PUS10: variants seen among roughly 807,000 people sequenced by gnomAD.
The protein encoded by PUS10 is pseudouridine synthase 10.
In PUS10, 59 loss-of-function variants were observed where a neutral mutation model predicts 75.0. The ratio of observed to expected loss-of-function variants is 0.79; its 90% confidence interval spans 0.64 to 0.98. PUS10 has a LOEUF of 0.98. PUS10 is among the 50% of genes least tolerant of loss of function. The pLI is 0.00. For synonymous variants in PUS10, 219 were observed against 211.6 expected (o/e 1.03, Z -0.30); for missense variants, 650 against 614.4 (o/e 1.06, Z -0.61).
intron 4 of PUS10, among the ~76,000 whole-genome samples, chr2:60,973,524 C>T (rs1304009429): frequency 6.6e-6 from 1 of 152,266 alleles, no homozygotes; most frequent in African/African-American, 2.4e-5. Flanking sequence ...GACACGCCAG[C>T]CCCATGCTGC....
rs75111820 is a variant in PUS10 at position 60,962,031 on chromosome 2, G to C, written c.789-483C>G. On this transcript the variant is annotated intron_variant, in intron 9 of 17. Transcript: ENST00000316752. Reference sequence around the variant, plus strand: ...TTATTTAATAAAATGAATGTACCAAGAATTAAAATGTAAGGTTTATTGCAT... The same window carrying C: ...TTATTTAATAAAATGAATGTACCAACAATTAAAATGTAAGGTTTATTGCAT... Among the ~76,000 whole-genome samples, 1,659 of 152,284 alleles carry C rather than the reference G, an allele frequency of 0.011. 168 individuals carry two copies. In the East Asian group the frequency reaches 0.23, roughly 21 times the overall value.
rs777576528 is a variant in PUS10, at chr2:60,965,401, C to A, written c.677+22G>T. The stretch of plus-strand genomic sequence containing the variant: ...AGCATTAACAATTTTACACCATTGA[C>A]GTTGTTTACATGGCAACTTACAGGA... On this transcript the variant is annotated intron_variant, in intron 7 of 17. Transcript: ENST00000316752. 5.7e-6 allele frequency: 9 copies of A among 1,586,590 alleles called. No individual in the cohort carries two copies. In the Admixed American group the frequency reaches 1.5e-4, roughly 27 times the overall value.
At chr2:60,942,519 T>C (rs1331424774) in intron 17 of PUS10, 86 bp from the exon 18 acceptor site, 3 of 1,038,716 alleles carry the variant, frequency 2.9e-6, no homozygotes, top group East Asian at 2.4e-5. Context: ...TTAATAGTTT[T>C]AATATAGTGC....
chr2:61,014,824 TTC>T (rs1679862647), intron 1 of PUS10, among the ~76,000 whole-genome samples: 1 of 152,216 alleles, frequency 6.6e-6, no homozygotes, highest in Admixed American at 6.5e-5. Context: ...GACGTGATTC[TTC>T]TAGTCTGCGT....
rs1317370167 is a variant in PUS10 at position 60,940,644 on chromosome 2, G to C, written c.*1751C>G. ...AATAGAAATCTTCTCATTTCAGTTTGCTAAGCACATTCTTCATTCTTACAT... is the reference window on the plus strand; with the variant it reads ...AATAGAAATCTTCTCATTTCAGTTTCCTAAGCACATTCTTCATTCTTACAT... On this transcript the variant is annotated 3_prime_UTR_variant, in exon 18 of 18. Transcript: ENST00000316752. The C allele has an allele frequency of 6.6e-6, 1 of 152,234 alleles. No individual in the cohort carries two copies. The highest frequency in any genetic ancestry group is 1.5e-5 in the Non-Finnish European group (1 of 68,006). 9.4% of individuals were successfully genotyped at this position (152,234 alleles called of 1,614,324 possible). A position where few individuals can be genotyped will look rare whatever the true frequency, so the allele number is the denominator to read the frequency against.
chr2:60,996,241 T>C (rs1225109007), intron 4 of PUS10, among the ~76,000 whole-genome samples: 1 of 152,240 alleles, frequency 6.6e-6, no homozygotes, highest in African/African-American at 2.4e-5. Flanking sequence ...ATCTCTTCAA[T>C]ATCTGCTTTG....
At chr2:60,967,705 T>C (rs1676428002) in intron 5 of PUS10, 92 bp from the exon 6 acceptor site, 13 of 821,916 alleles carry the variant, frequency 1.6e-5, no homozygotes, top group Non-Finnish European at 2.3e-5. Context: ...AAAATATTGA[T>C]TGAGTGCCTA....
In PUS10 at chr2:61,007,813, C is replaced by T. The variant is rs529343243; in HGVS notation, c.381+948G>A. Reference sequence around the variant, plus strand: ...AAAAAAAAAAGAATTTGGCCGGGCACGGTGGCTCACGCCTGTAATCCCAGC... The same window carrying T: ...AAAAAAAAAAGAATTTGGCCGGGCATGGTGGCTCACGCCTGTAATCCCAGC... On this transcript the variant is annotated intron_variant, in intron 3 of 17. Transcript: ENST00000316752. Among the ~76,000 whole-genome samples the T allele has an allele frequency of 6.8e-4, 101 of 148,956 alleles. 1 individual carries two copies. The highest frequency in any genetic ancestry group is 2.4e-3 in the African/African-American group (99 of 40,414).
intron 4 of PUS10, among the ~76,000 whole-genome samples, chr2:60,974,917 A>G (rs2104445878): frequency 6.6e-6 from 1 of 152,304 alleles, no homozygotes; most frequent in African/African-American, 2.4e-5. Context: ...GCTAGAGAAA[A>G]ACTCGGGCAA....
chr2:60,961,321 G>T, intron 10 of PUS10, 142 bp downstream of exon 10: 1 of 676,864 alleles, frequency 1.5e-6, no homozygotes, highest in Non-Finnish European at 2.6e-6. Context: ...AATAAGTTTG[G>T]CTATTGATTC....
At chr2:60,973,150 C>T (rs1246952831) in intron 4 of PUS10, among the ~76,000 whole-genome samples, 3 of 152,242 alleles carry the variant, frequency 2.0e-5, no homozygotes, top group Non-Finnish European at 4.4e-5. Context: ...CCTCGCTCCC[C>T]ATCACCATCT....
chr2:61,005,443 T>C (rs1231621665), intron 4 of PUS10, among the ~76,000 whole-genome samples: 3 of 152,210 alleles, frequency 2.0e-5, no homozygotes, highest in Non-Finnish European at 4.4e-5. Context: ...TAGGGAAATA[T>C]ATAAACATAA....
chr2:60,982,215 A>T (rs191782821), intron 4 of PUS10, among the ~76,000 whole-genome samples: 84 of 152,018 alleles, frequency 5.5e-4, no homozygotes, highest in East Asian at 3.5e-3. Flanking sequence ...CTCTCCAGAA[A>T]ATCTGTCTTT....
At chr2:60,981,181 C>G (rs1677367897) in intron 4 of PUS10, among the ~76,000 whole-genome samples, 1 of 152,004 alleles carries the variant, frequency 6.6e-6, no homozygotes, top group South Asian at 2.1e-4. Flanking sequence ...GTGTGAGCCA[C>G]CACGCCAAGC....
chr2:61,006,504 G>C (rs1679220049), intron 4 of PUS10, 53 bp downstream of exon 4: 6 of 1,285,794 alleles, frequency 4.7e-6, no homozygotes, highest in African/African-American at 1.5e-5. Context: ...CATTTTTTGA[G>C]AAATTCCTAG....
At chr2:60,992,420 T>C (rs1416207700) in intron 4 of PUS10, among the ~76,000 whole-genome samples, 1 of 152,202 alleles carries the variant, frequency 6.6e-6, no homozygotes, top group African/African-American at 2.4e-5. Flanking sequence ...TGAGTGCACA[T>C]GCCCACTCCA....
At chr2:60,944,860 T>C (rs1424041942) in intron 17 of PUS10, 149 bp downstream of exon 17, 7 of 583,664 alleles carry the variant, frequency 1.2e-5, no homozygotes, top group Non-Finnish European at 2.2e-5. Flanking sequence ...CCGAAGACAG[T>C]CCCTCCCTTC....
intron 4 of PUS10, among the ~76,000 whole-genome samples, chr2:60,990,057 T>C (rs1005001852): frequency 6.6e-6 from 1 of 151,900 alleles, no homozygotes; most frequent in African/African-American, 2.4e-5. Flanking sequence ...AATTACACAA[T>C]AGCAACACAT....
rs1183370248 is a variant in PUS10, at chr2:60,942,442, G to C, written c.1552-9C>G. 2 of 1,608,282 alleles carry C rather than the reference G, an allele frequency of 1.2e-6. No individual in the cohort carries two copies. The highest frequency in any genetic ancestry group is 2.2e-5 in the East Asian group (1 of 44,838). On this transcript the variant is annotated splice_polypyrimidine_tract_variant and intron_variant, in intron 17 of 17. Transcript: ENST00000316752. ...CAGTCAACATCTACAGACTAGAAGG[G>C]AGAAAAGAAGTCATTAAAACAGATA...
Sources: allele counts gnomAD v4.1 joint callset (sites outside exome capture counted in the v4.1 genomes callset), GRCh38; gene constraint gnomAD v4.1.1; transcripts MANE v1.5; gene names NCBI Gene and HGNC (gene_info 2026-07-23, HGNC 2026-07-21).